The following SSC4D variants were observed in gnomAD, a reference collection of about 807,000 sequenced individuals.
SSC4D encodes the protein scavenger receptor cysteine rich family member with 4 domains, also known as scavenger receptor cysteine-rich domain-containing group B protein.
Under a neutral mutation model 63.4 loss-of-function variants are expected in SSC4D, and 57 were observed. The observed-to-expected ratio is 0.90, with a 90% confidence interval of 0.73 to 1.12. The LOEUF (loss-of-function observed/expected upper bound fraction) is 1.12, where lower values mean the gene tolerates loss of function less well. SSC4D is among the 50% of genes most tolerant of loss of function. The pLI, the probability that SSC4D is intolerant of heterozygous loss-of-function variation, is 0.00. For missense variants in SSC4D, 791 were observed against 806.4 expected (o/e 0.98, Z 0.23); for synonymous variants, 352 against 345.4 (o/e 1.02, Z -0.21).
intron 7 of SSC4D, 80 bp from the exon 8 acceptor site, chr7:76,393,984 C>A: frequency 1.4e-6 from 2 of 1,410,748 alleles, no homozygotes; most frequent in East Asian, 2.6e-5. Context: ...GGACGCCTAC[C>A]AAGACCCCCA....
chr7:76,406,643 C>G (rs111848283), intron 1 of SSC4D, among the ~76,000 whole-genome samples: 4,030 of 151,894 alleles, frequency 0.027, 139 homozygotes, highest in African/African-American at 0.086. Context: ...ACCACCACAC[C>G]CAGCTAATTA....
At chr7:76,406,518 C>G (rs1214805381) in intron 1 of SSC4D, among the ~76,000 whole-genome samples, 1 of 151,928 alleles carries the variant, frequency 6.6e-6, no homozygotes, top group African/African-American at 2.4e-5. Flanking sequence ...GGGTCTCACT[C>G]TGTCACCCAG....
chr7:76,394,575 TTTTA>T (rs919352386), intron 7 of SSC4D, among the ~76,000 whole-genome samples: 10 of 150,638 alleles, frequency 6.6e-5, no homozygotes, highest in Non-Finnish European at 1.2e-4. Flanking sequence ...ATTTTTGTAT[TTTTA>T]TTTATTTATT....
chr7:76,405,743 TC>T (rs1341686904), intron 1 of SSC4D, among the ~76,000 whole-genome samples: 1 of 151,990 alleles, frequency 6.6e-6, no homozygotes, highest in Admixed American at 6.6e-5. Flanking sequence ...GAGGAGTCGG[TC>T]ATGGCTGTAG....
intron 1 of SSC4D, among the ~76,000 whole-genome samples, chr7:76,404,791 C>T (rs1045428853): frequency 2.0e-5 from 3 of 151,748 alleles, no homozygotes; most frequent in Admixed American, 6.6e-5. Flanking sequence ...AAAATTAGGC[C>T]GGCTGCGGTG....
intron 9 of SSC4D, among the ~76,000 whole-genome samples, chr7:76,393,172 C>T (rs190231088): frequency 2.6e-5 from 4 of 152,120 alleles, no homozygotes; most frequent in South Asian, 2.1e-4. Context: ...CTGCACCACG[C>T]GGCGCTCACC....
chr7:76,396,196 G>C (rs1288332043), intron 6 of SSC4D, among the ~76,000 whole-genome samples: 1 of 152,218 alleles, frequency 6.6e-6, no homozygotes, highest in Non-Finnish European at 1.5e-5. Flanking sequence ...GACTCAGGAG[G>C]TGGAGCTCAG....
chr7:76,406,504 G>T (rs538087329), intron 1 of SSC4D, among the ~76,000 whole-genome samples: 1 of 150,912 alleles, frequency 6.6e-6, no homozygotes, highest in Non-Finnish European at 1.5e-5. Context: ...ATTTTTTACA[G>T]ATAGGGTCTC....
At chr7:76,397,324 G>A (rs544585750) in intron 6 of SSC4D, among the ~76,000 whole-genome samples, 194 bp downstream of exon 6, 1 of 152,192 alleles carries the variant, frequency 6.6e-6, no homozygotes, top group Admixed American at 6.6e-5. Context: ...AGGAGTTCTG[G>A]GATATTCGGA....
intron 6 of SSC4D, among the ~76,000 whole-genome samples, chr7:76,396,022 G>T (rs1804631167): frequency 6.6e-6 from 1 of 152,274 alleles, no homozygotes; most frequent in Admixed American, 6.5e-5. Context: ...AGAGAAAACA[G>T]GGCTAGCAGG....
rs1052401396 is a variant in SSC4D, at chr7:76,390,218, A to G, written c.1569T>C (p.Pro523=). ...GGCCTGGGCCAAAGTGAGCCTCGCC[A>G]GGGGCTGCGAGGGCCTGGCCACAGC... The part of the protein sequence containing the change: ...QLGCGQALAA[P]GEAHFGPGRG... The change falls in exon 11 of 11, where the codon CCT becomes CCC. Residue 523 remains proline (P), a synonymous_variant. Transcript: ENST00000275560. 3 of 1,614,142 alleles carry G rather than the reference A, an allele frequency of 1.9e-6. No individual in the cohort carries two copies. The highest frequency in any genetic ancestry group is 2.5e-6 in the Non-Finnish European group (3 of 1,179,994).
At chr7:76,398,318 T>TC (rs1331891266) in intron 5 of SSC4D, among the ~76,000 whole-genome samples, 2 of 151,226 alleles carry the variant, frequency 1.3e-5, no homozygotes, top group Non-Finnish European at 3.0e-5. Context: ...TATTTTTTTT[T>TC]TTTTTTTTTG....
Position 76,390,266 on chromosome 7 carries a change from G to A in SSC4D, c.1521C>T (p.Ala507=), listed in dbSNP as rs201770621. ...AGCCCAGCTGGCGGCACAGGACACCGGCTGCCCGCAGGTCCCAAGCATCAT... is the reference window on the plus strand; with the variant it reads ...AGCCCAGCTGGCGGCACAGGACACCAGCTGCCCGCAGGTCCCAAGCATCAT... ...VCDDAWDLRA[A]GVLCRQLGCG... is the part of the protein sequence containing the mutation. The change falls in exon 11 of 11, where the codon GCC becomes GCT. Residue 507 remains alanine, a synonymous_variant. Transcript: ENST00000275560. 1.4e-5 allele frequency: 23 copies of A among 1,613,980 alleles called. No individual in the cohort carries two copies. The highest frequency in any genetic ancestry group is 4.5e-5 in the East Asian group (2 of 44,872).
At chr7:76,401,564 A>G (rs1804830100) in intron 2 of SSC4D, among the ~76,000 whole-genome samples, 1 of 151,966 alleles carries the variant, frequency 6.6e-6, no homozygotes, top group Non-Finnish European at 1.5e-5. Flanking sequence ...TTACAGGTGC[A>G]CACCACCAAG....
chr7:76,409,331 A>AGT (rs755471557), intron 1 of SSC4D, 83 bp downstream of exon 1: 1,963 of 55,534 alleles, frequency 0.035, 24 homozygotes, highest in Non-Finnish European at 0.061. Context: ...TCTCACACAC[A>AGT]CACACACACA....
intron 5 of SSC4D, among the ~76,000 whole-genome samples, chr7:76,398,242 A>G (rs913618181): frequency 1.3e-5 from 2 of 151,094 alleles, no homozygotes; most frequent in African/African-American, 4.9e-5. Flanking sequence ...AGTCATGATC[A>G]TCATTCTTGG....
chr7:76,408,911 TCCA>T (rs992612070), intron 1 of SSC4D, among the ~76,000 whole-genome samples: 1 of 152,138 alleles, frequency 6.6e-6, no homozygotes, highest in African/African-American at 2.4e-5. Context: ...CAGCATCAGC[TCCA>T]CCATCTCCTA....
In SSC4D at chr7:76,401,078, G is replaced by C. The variant is rs747673443; in HGVS notation, c.134-35C>G. The C allele has an allele frequency of 2.4e-5, 37 of 1,518,332 alleles. No homozygotes were observed. The South Asian group carries it at 4.6e-4, about 19-fold the overall frequency. 94.1% of individuals were successfully genotyped at this position (1,518,332 alleles called of 1,614,324 possible). ...AGTGAGGAAGAGCATTGGCCCCTCTGCCCACACCATGGCTCCCTGGTCCCA... is the reference window on the plus strand; with the variant it reads ...AGTGAGGAAGAGCATTGGCCCCTCTCCCCACACCATGGCTCCCTGGTCCCA... On this transcript the variant is annotated intron_variant, in intron 2 of 10. Coordinates refer to ENST00000275560, the MANE Select transcript of SSC4D (RefSeq NM_080744.2).
At chr7:76,405,306 TA>T (rs1563686912) in intron 1 of SSC4D, among the ~76,000 whole-genome samples, 6 of 63,110 alleles carry the variant, frequency 9.5e-5, no homozygotes, top group African/African-American at 3.5e-4. Flanking sequence ...TATATATATA[TA>T]TATATATATG....
Sources: allele counts gnomAD v4.1 joint callset (sites outside exome capture counted in the v4.1 genomes callset), GRCh38; gene constraint gnomAD v4.1.1; transcripts MANE v1.5; gene names NCBI Gene and HGNC (gene_info 2026-07-23, HGNC 2026-07-21).